PLCB1: variants seen among roughly 807,000 people sequenced by gnomAD.
PLCB1 encodes the protein phospholipase C beta 1.
PLCB1 carries 46 observed loss-of-function variants against 161.8 expected under a neutral mutation model. That is an observed-to-expected ratio of 0.28 (90% confidence interval 0.22 to 0.36). PLCB1 has a LOEUF of 0.36. PLCB1 is among the 10% of genes least tolerant of loss of function. The probability of loss-of-function intolerance (pLI) is 1.00; values close to 1 mark genes in which losing one functional copy is unlikely to be tolerated. For missense variants in PLCB1, 1,016 were observed against 1,472.5 expected (o/e 0.69, Z 5.07); for synonymous variants, 517 against 503.7 (o/e 1.03, Z -0.35).
chr20:8,368,468 A>C (rs187199967), intron 2 of PLCB1, among the ~76,000 whole-genome samples: 1 of 142,624 alleles, frequency 7.0e-6, no homozygotes, highest in South Asian at 2.4e-4. Context: ...TAGAAGTTGC[A>C]GTGAGTTGAG....
intron 2 of PLCB1, among the ~76,000 whole-genome samples, chr20:8,275,936 A>G (rs977348973): frequency 4.6e-5 from 7 of 151,102 alleles, no homozygotes; most frequent in African/African-American, 1.5e-4. Context: ...ATCACCACTT[A>G]CAAGCCAGAT....
At chr20:8,456,501 G>A (rs1411358333) in intron 3 of PLCB1, among the ~76,000 whole-genome samples, 1 of 151,930 alleles carries the variant, frequency 6.6e-6, no homozygotes, top group Non-Finnish European at 1.5e-5. Context: ...TAAAGAAATA[G>A]GTTGGTCTTT....
At chr20:8,178,980 C>T (rs1295935758) in intron 2 of PLCB1, among the ~76,000 whole-genome samples, 3 of 152,058 alleles carry the variant, frequency 2.0e-5, no homozygotes, top group Non-Finnish European at 2.9e-5. Flanking sequence ...CTATTCGGTT[C>T]CATTGGTCTA....
chr20:8,708,095 CTT>C (rs1978789289), intron 11 of PLCB1, among the ~76,000 whole-genome samples: 1 of 152,000 alleles, frequency 6.6e-6, no homozygotes, highest in Non-Finnish European at 1.5e-5. Flanking sequence ...AATGTTCTAA[CTT>C]ATATTGGGAT....
chr20:8,387,013 A>G (rs573755902), intron 3 of PLCB1, among the ~76,000 whole-genome samples: 1 of 152,350 alleles, frequency 6.6e-6, no homozygotes, highest in Non-Finnish European at 1.5e-5. Flanking sequence ...GCTTAAGGGA[A>G]CATTGGGGCT....
intron 2 of PLCB1, among the ~76,000 whole-genome samples, chr20:8,237,935 T>G (rs1428765396): frequency 6.6e-6 from 1 of 152,124 alleles, no homozygotes; most frequent in Non-Finnish European, 1.5e-5. Context: ...GGGAAAGATT[T>G]AAGATATACA....
At chr20:8,578,256 G>A (rs1986735247) in intron 3 of PLCB1, among the ~76,000 whole-genome samples, 1 of 152,048 alleles carries the variant, frequency 6.6e-6, no homozygotes, top group Admixed American at 6.6e-5. Flanking sequence ...CCTTTGGATG[G>A]GCATGAGATA....
rs142090977 is a variant in PLCB1 at position 8,732,568 on chromosome 20, T to G, written c.1889-670T>G. Among the ~76,000 whole-genome samples the G allele has an allele frequency of 2.0e-3, 292 of 148,254 alleles. 3 individuals are homozygous for G. The highest frequency in any genetic ancestry group is 7.2e-3 in the Middle Eastern group (2 of 278). On this transcript the variant is annotated intron_variant, in intron 18 of 31. Transcript: ENST00000338037. ...TTATATTCTAATATATTGTATTAGA[T>G]ATTATATTCTAATATATTGTATTAG...
At chr20:8,858,913 A>C (rs1987157848) in intron 31 of PLCB1, among the ~76,000 whole-genome samples, 1 of 17,438 alleles carries the variant, frequency 5.7e-5, no homozygotes, top group Non-Finnish European at 1.4e-4. Context: ...TTGAGTGTGC[A>C]AAAAAAAAAA....
At chr20:8,134,437 C>T (rs1263034865) in intron 1 of PLCB1, among the ~76,000 whole-genome samples, 1 of 152,202 alleles carries the variant, frequency 6.6e-6, no homozygotes, top group African/African-American at 2.4e-5. Flanking sequence ...TTAAATAATT[C>T]TCTATAATTT....
chr20:8,509,745 GAT>G (rs1315253839), intron 3 of PLCB1, among the ~76,000 whole-genome samples: 2 of 146,298 alleles, frequency 1.4e-5, no homozygotes, highest in African/African-American at 5.2e-5. Context: ...TAGATAGATA[GAT>G]AGATAGATAG....
chr20:8,151,588 G>A (rs2051509076), intron 2 of PLCB1, among the ~76,000 whole-genome samples: 1 of 152,062 alleles, frequency 6.6e-6, no homozygotes, highest in Admixed American at 6.6e-5. Context: ...TTTATTATTG[G>A]GTGTGTTAAT....
chr20:8,319,557 G>A (rs1984813072), intron 2 of PLCB1, among the ~76,000 whole-genome samples: 1 of 152,016 alleles, frequency 6.6e-6, no homozygotes, highest in African/African-American at 2.4e-5. Flanking sequence ...TAGCTAGAAT[G>A]AAGACTCCAC....
intron 4 of PLCB1, among the ~76,000 whole-genome samples, chr20:8,635,820 G>A (rs551392943): frequency 1.3e-4 from 20 of 152,232 alleles, no homozygotes; most frequent in East Asian, 3.9e-4. Flanking sequence ...GGCCACCTCC[G>A]GGCCATTCAT....
At chr20:8,225,188 G>A (rs1052838164) in intron 2 of PLCB1, among the ~76,000 whole-genome samples, 8 of 152,050 alleles carry the variant, frequency 5.3e-5, no homozygotes, top group African/African-American at 1.2e-4. Context: ...TCACATCTAC[G>A]AACTTAACAG....
intron 12 of PLCB1, among the ~76,000 whole-genome samples, chr20:8,714,934 C>T (rs8123323): frequency 0.72 from 108,647 of 150,260 alleles, 39,100 homozygotes; most frequent in African/African-American, 0.78. Flanking sequence ...TACCAACCCC[C>T]TAACCCCAGT....
At chr20:8,880,311 GC>G (rs1308505261) in intron 31 of PLCB1, among the ~76,000 whole-genome samples, 1 of 152,010 alleles carries the variant, frequency 6.6e-6, no homozygotes. Flanking sequence ...TCTCCCTGTT[GC>G]CCCCGTTCTC....
intron 19 of PLCB1, among the ~76,000 whole-genome samples, chr20:8,736,240 A>G (rs537713367): frequency 6.6e-6 from 1 of 152,336 alleles, no homozygotes; most frequent in Admixed American, 6.5e-5. Context: ...GCTGGTGGAT[A>G]GTTCAGATTT....
chr20:8,881,713 A>C lies in PLCB1; in HGVS notation c.3515A>C (p.Lys1172Thr). The C allele has an allele frequency of 1.2e-6, 2 of 1,614,088 alleles. No individual in the cohort carries two copies. Among genetic ancestry groups the C allele is most frequent in the Non-Finnish European group, 1.7e-6 (2 of 1,179,988 alleles). The change falls in exon 32 of 32, where the codon AAG becomes ACG. Residue 1172 changes from lysine to threonine, a missense_variant. Around this residue, in one of 10 missense-constraint regions of PLCB1, gnomAD observed 398 missense variants for 445.4 expected, o/e 0.89. Coordinates refer to ENST00000338037, the MANE Select transcript of PLCB1 (RefSeq NM_015192.4). ...TTCGTGCAGGAAGCCATGAAAGGAA[A>C]GATCAGTGAAGACAGCAATCACGGT... is the stretch of plus-strand genomic sequence containing the variant. ...LEFVQEAMKG[K>T]ISEDSNHGSA...
Sources: allele counts gnomAD v4.1 joint callset (sites outside exome capture counted in the v4.1 genomes callset), GRCh38; gene constraint gnomAD v4.1.1; regional missense constraint gnomAD v4.1.1; transcripts MANE v1.5; gene names NCBI Gene and HGNC (gene_info 2026-07-23, HGNC 2026-07-21).